ESR1: variants seen among roughly 807,000 people sequenced by gnomAD.
ESR1 encodes the protein estrogen receptor.
A neutral mutation model predicts 52.7 loss-of-function variants in ESR1; 12 were observed. The observed-to-expected ratio is 0.23, with a 90% CI of 0.15 to 0.37. ESR1 has a LOEUF of 0.37. ESR1 is among the 10% of genes least tolerant of loss of function. The probability of loss-of-function intolerance (pLI) is 1.00; values close to 1 mark genes in which losing one functional copy is unlikely to be tolerated. For synonymous variants in ESR1, 305 were observed against 316.8 expected (o/e 0.96, Z 0.39); for missense variants, 584 against 779.7 (o/e 0.75, Z 2.99).
intron 6 of ESR1, among the ~76,000 whole-genome samples, chr6:152,077,210 A>ACAGCTCGGC (rs71268494): frequency 0.21 from 31,859 of 152,022 alleles, 4,730 homozygotes; most frequent in African/African-American, 0.41. Flanking sequence ...GGGCTGAGGT[A>ACAGCTCGGC]CCACGGTTTC....
At chr6:152,004,194 T>C (rs576637811) in intron 4 of ESR1, among the ~76,000 whole-genome samples, 18 of 152,008 alleles carry the variant, frequency 1.2e-4, no homozygotes, top group Non-Finnish European at 2.4e-4. Flanking sequence ...ACACACAGGA[T>C]GACTAAACTG....
At chr6:151,675,871 T>C (rs1452718986) in intron 1 of ESR1, among the ~76,000 whole-genome samples, 3 of 152,110 alleles carry the variant, frequency 2.0e-5, no homozygotes, top group Non-Finnish European at 2.9e-5. Flanking sequence ...AAGGACCAAT[T>C]TGCCAGGTTA....
At chr6:151,900,537 G>T (rs2128404789) in intron 3 of ESR1, among the ~76,000 whole-genome samples, 1 of 152,228 alleles carries the variant, frequency 6.6e-6, no homozygotes, top group East Asian at 1.9e-4. Flanking sequence ...CGTATTACTG[G>T]GATTGTTTTT....
intron 2 of ESR1, among the ~76,000 whole-genome samples, chr6:151,848,728 G>T (rs190384224): frequency 1.3e-5 from 2 of 152,174 alleles, no homozygotes; most frequent in East Asian, 3.9e-4. Context: ...TTTGGTCTCC[G>T]TATTTCCACA....
intron 2 of ESR1, among the ~76,000 whole-genome samples, chr6:151,735,611 G>A (rs552796225): frequency 1.3e-5 from 2 of 152,124 alleles, no homozygotes; most frequent in East Asian, 3.9e-4. Flanking sequence ...GTGGCTTTTG[G>A]TTACATGCAT....
chr6:151,795,812 A>G (rs1776642224), intron 2 of ESR1, among the ~76,000 whole-genome samples: 1 of 152,176 alleles, frequency 6.6e-6, no homozygotes, highest in African/African-American at 2.4e-5. Context: ...GGTAAAATAA[A>G]CTAGAATTCC....
chr6:151,914,269 G>T, intron 3 of ESR1, among the ~76,000 whole-genome samples: 1 of 149,530 alleles, frequency 6.7e-6, no homozygotes, highest in South Asian at 2.1e-4. Flanking sequence ...AAAAAAAAAG[G>T]CTTCGGTCTT....
intron 3 of ESR1, among the ~76,000 whole-genome samples, chr6:151,923,180 G>A (rs2032037658): frequency 6.6e-6 from 1 of 152,116 alleles, no homozygotes; most frequent in Admixed American, 6.6e-5. Flanking sequence ...GAGTCACTTA[G>A]GTTAGCGCCT....
At chr6:151,912,212 C>T (rs913386257) in intron 3 of ESR1, among the ~76,000 whole-genome samples, 3 of 152,114 alleles carry the variant, frequency 2.0e-5, no homozygotes, top group East Asian at 1.9e-4. Flanking sequence ...AAGCATTCAG[C>T]GTGTCTGATA....
intron 4 of ESR1, among the ~76,000 whole-genome samples, chr6:151,977,037 G>GT (rs1369804973): frequency 1.3e-5 from 2 of 152,138 alleles, no homozygotes; most frequent in Non-Finnish European, 2.9e-5. Flanking sequence ...CTGAAAACAA[G>GT]TGTAAGTGCT....
intron 2 of ESR1, among the ~76,000 whole-genome samples, chr6:151,844,338 C>G (rs1468744951): frequency 2.0e-5 from 3 of 151,598 alleles, no homozygotes; most frequent in Admixed American, 6.6e-5. Context: ...TCTAAAATAC[C>G]ATTGTTTTTA....
intron 2 of ESR1, among the ~76,000 whole-genome samples, chr6:151,880,181 G>GTTT (rs71017515): frequency 0.43 from 50,268 of 115,904 alleles, 13,031 homozygotes; most frequent in Non-Finnish European, 0.58. Context: ...TTTTTGTTCT[G>GTTT]TTTTTTTTTT....
chr6:152,050,081 G>A (rs1238423456), intron 5 of ESR1, among the ~76,000 whole-genome samples: 1 of 152,138 alleles, frequency 6.6e-6, no homozygotes, highest in Non-Finnish European at 1.5e-5. Context: ...ATTCCTTTAT[G>A]TTTCAAATTT....
chr6:152,119,407 C>T (rs910716327), intron 6 of ESR1, among the ~76,000 whole-genome samples: 4 of 152,206 alleles, frequency 2.6e-5, no homozygotes, highest in Non-Finnish European at 4.4e-5. Context: ...TTTCATTTCT[C>T]CCGGGATTTC....
intron 6 of ESR1, among the ~76,000 whole-genome samples, chr6:152,121,008 G>A (rs1471390466): frequency 6.6e-6 from 1 of 152,212 alleles, no homozygotes. Context: ...AATTCTGGAA[G>A]GGACAGCAGC....
intron 4 of ESR1, among the ~76,000 whole-genome samples, chr6:151,953,968 A>C (rs922945289): frequency 6.6e-6 from 1 of 152,026 alleles, no homozygotes; most frequent in African/African-American, 2.4e-5. Context: ...CTGACTGTTG[A>C]TTTTTGGCAC....
At chr6:151,809,907 A>T (rs1016008685) in intron 1 of ESR1, among the ~76,000 whole-genome samples, 3 of 152,144 alleles carry the variant, frequency 2.0e-5, no homozygotes, top group Admixed American at 6.5e-5. Flanking sequence ...TACAGCGATT[A>T]AGTCTAATTC....
intron 6 of ESR1, among the ~76,000 whole-genome samples, chr6:152,082,871 A>G (rs1447224815): frequency 6.6e-6 from 1 of 152,210 alleles, no homozygotes; most frequent in Non-Finnish European, 1.5e-5. Flanking sequence ...GAATTACTAC[A>G]AAGAGAATAA....
At chr6:151,880,630 A>T (rs1792746014) in intron 2 of ESR1, 25 bp from the exon 3 acceptor site, 1 of 1,328,452 alleles carries the variant, frequency 7.5e-7, no homozygotes, top group Non-Finnish European at 1.1e-6. Context: ...AAATAATATT[A>T]ATTCTGTCCT....
Sources: gnomAD v4.1 joint callset for allele counts (sites outside exome capture counted in the v4.1 genomes callset) on GRCh38, gnomAD v4.1.1 for gene constraint, MANE v1.5 for transcripts, NCBI Gene and HGNC (gene_info 2026-07-23, HGNC 2026-07-21) for gene names.